SGSM1: variants seen among roughly 807,000 people sequenced by gnomAD.
The protein encoded by SGSM1 is RUN and TBC1 domain containing 2.
A neutral mutation model predicts 133.8 loss-of-function variants in SGSM1; 73 were observed. That is an observed-to-expected ratio of 0.55 (90% CI 0.45 to 0.66). SGSM1 has a LOEUF of 0.66. Ranked by LOEUF, SGSM1 falls within the 30% of genes least tolerant of loss-of-function variation. The probability of loss-of-function intolerance (pLI) is 0.00; values close to 1 mark genes in which losing one functional copy is unlikely to be tolerated. For missense variants in SGSM1, 1,213 were observed against 1,448.1 expected (o/e 0.84, Z 2.64); for synonymous variants, 563 against 573.0 (o/e 0.98, Z 0.25).
At chr22:24,912,069 A>G (rs1326697694) in intron 21 of SGSM1, among the ~76,000 whole-genome samples, 1 of 131,640 alleles carries the variant, frequency 7.6e-6, no homozygotes, top group Non-Finnish European at 1.5e-5. Flanking sequence ...AAAAAGGAAA[A>G]AAAAAAAAAA....
At chr22:24,889,810 T>C (rs1280309284) in intron 16 of SGSM1, among the ~76,000 whole-genome samples, 2 of 149,166 alleles carry the variant, frequency 1.3e-5, no homozygotes, top group Non-Finnish European at 1.5e-5. Context: ...CCACCATGCC[T>C]GGCTAATTTT....
rs1027023997 is a variant in SGSM1 at position 24,809,108 on chromosome 22, G to A, written c.63+2624G>A. Reference sequence around the variant, plus strand: ...TCTTTTGAGTTCCTATTCAACATAGGTACCCTAAGAACATGGCAACAACTC... The same window carrying A: ...TCTTTTGAGTTCCTATTCAACATAGATACCCTAAGAACATGGCAACAACTC... On this transcript the variant is annotated intron_variant, in intron 2 of 24. Transcript: ENST00000400358. Among the ~76,000 whole-genome samples, 5 of 152,166 alleles carry A rather than the reference G, an allele frequency of 3.3e-5. No individual in the cohort carries two copies. In the East Asian group the frequency reaches 7.7e-4, roughly 23 times the overall value.
chr22:24,848,189 A>G (rs770338628), intron 4 of SGSM1, among the ~76,000 whole-genome samples: 4 of 151,610 alleles, frequency 2.6e-5, no homozygotes, highest in African/African-American at 4.8e-5. Flanking sequence ...GAGAGCAGGC[A>G]ACTAGATCTG....
intron 9 of SGSM1, among the ~76,000 whole-genome samples, chr22:24,860,881 C>T (rs1487327104): frequency 3.8e-5 from 4 of 105,666 alleles, no homozygotes; most frequent in Non-Finnish European, 7.0e-5. Flanking sequence ...GCCTGGGTGA[C>T]AGAGCGAGAC....
intron 8 of SGSM1, among the ~76,000 whole-genome samples, chr22:24,856,508 T>C (rs1052699021): frequency 1.3e-5 from 2 of 152,190 alleles, no homozygotes; most frequent in Non-Finnish European, 2.9e-5. Flanking sequence ...ATGCAGTTCC[T>C]GCCTTCATGC....
At chr22:24,865,438 T>C (rs765590197) in intron 9 of SGSM1, among the ~76,000 whole-genome samples, 1 of 152,174 alleles carries the variant, frequency 6.6e-6, no homozygotes, top group Non-Finnish European at 1.5e-5. Flanking sequence ...GTGAGGCTGA[T>C]TCTGGTACAG....
intron 15 of SGSM1, 139 bp downstream of exon 15, chr22:24,884,337 C>A: frequency 1.7e-6 from 2 of 1,159,588 alleles, no homozygotes; most frequent in Non-Finnish European, 2.4e-6. Flanking sequence ...TGGAGTTCCC[C>A]TTCTCCTTGA....
chr22:24,808,115 G>GTTT (rs532530317), intron 2 of SGSM1, among the ~76,000 whole-genome samples: 6 of 130,946 alleles, frequency 4.6e-5, no homozygotes, highest in Admixed American at 1.5e-4. Flanking sequence ...TTTTCTTGGT[G>GTTT]TTTTTTTTTT....
At chr22:24,888,112 C>T (rs920036990) in intron 16 of SGSM1, among the ~76,000 whole-genome samples, 1 of 152,056 alleles carries the variant, frequency 6.6e-6, no homozygotes, top group South Asian at 2.1e-4. Flanking sequence ...TGTTCAGATA[C>T]GTGATTGGCA....
chr22:24,914,651 A>G (rs946497718), intron 22 of SGSM1, among the ~76,000 whole-genome samples: 1 of 152,202 alleles, frequency 6.6e-6, no homozygotes, highest in Non-Finnish European at 1.5e-5. Flanking sequence ...CCTAAACAGC[A>G]TACAACTCTG....
At chr22:24,857,898 A>T (rs730851) in intron 8 of SGSM1, among the ~76,000 whole-genome samples, 1 of 152,156 alleles carries the variant, frequency 6.6e-6, no homozygotes, top group South Asian at 2.1e-4. Context: ...TTTACACAAA[A>T]TGTTTGGTGG....
chr22:24,829,237 A>G (rs996019847), intron 2 of SGSM1, among the ~76,000 whole-genome samples: 3 of 152,084 alleles, frequency 2.0e-5, no homozygotes, highest in Non-Finnish European at 1.5e-5. Flanking sequence ...TCGCAGGAGC[A>G]GGAGTGGAGA....
At chr22:24,883,477 A>T (rs561298959) in intron 14 of SGSM1, among the ~76,000 whole-genome samples, 74 of 152,288 alleles carry the variant, frequency 4.9e-4, no homozygotes, top group Non-Finnish European at 7.9e-4. Context: ...CTAGCCTATG[A>T]ATTAAATGCT....
chr22:24,911,721 G>A (rs145885616), intron 21 of SGSM1, among the ~76,000 whole-genome samples: 72 of 152,196 alleles, frequency 4.7e-4, no homozygotes, highest in African/African-American at 1.6e-3. Flanking sequence ...ATTACTAATA[G>A]TGCAGCATCC....
intron 23 of SGSM1, among the ~76,000 whole-genome samples, chr22:24,919,428 G>C (rs559661618): frequency 1.1e-4 from 16 of 152,118 alleles, no homozygotes; most frequent in Non-Finnish European, 2.1e-4. Flanking sequence ...CCAGTGTGTG[G>C]GGGGAAAGAA....
At chr22:24,870,288 C>T (rs1300699233) in intron 12 of SGSM1, among the ~76,000 whole-genome samples, 3 of 152,212 alleles carry the variant, frequency 2.0e-5, no homozygotes, top group Non-Finnish European at 2.9e-5. Context: ...AGGGTGAAAT[C>T]CCCTGGGATG....
intron 24 of SGSM1, among the ~76,000 whole-genome samples, chr22:24,921,847 G>A (rs1438392103): frequency 6.6e-6 from 1 of 151,778 alleles, no homozygotes; most frequent in East Asian, 1.9e-4. Context: ...TTACAGGCAT[G>A]CACAACCACA....
intron 9 of SGSM1, among the ~76,000 whole-genome samples, chr22:24,865,866 T>C (rs78901023): frequency 3.1e-4 from 47 of 152,230 alleles, no homozygotes; most frequent in East Asian, 7.7e-4. Context: ...CGGTGGACCA[T>C]TGACTGTTAG....
intron 2 of SGSM1, among the ~76,000 whole-genome samples, chr22:24,841,126 A>T (rs1269303890): frequency 6.6e-6 from 1 of 152,236 alleles, no homozygotes; most frequent in African/African-American, 2.4e-5. Flanking sequence ...CTGGGATTAC[A>T]GGCGTGAGCC....
Sources: allele counts gnomAD v4.1 joint callset (sites outside exome capture counted in the v4.1 genomes callset), GRCh38; gene constraint gnomAD v4.1.1; transcripts MANE v1.5; gene names NCBI Gene and HGNC (gene_info 2026-07-23, HGNC 2026-07-21).